The following MALRD1 variants were observed in gnomAD, a reference collection of about 807,000 sequenced individuals.
MALRD1 encodes the protein MAM and LDL receptor class A domain containing 1.
MALRD1 carries 247 observed loss-of-function variants against 242.1 expected under a neutral mutation model. The observed-to-expected ratio is 1.02, with a 90% CI of 0.92 to 1.13. MALRD1 has a LOEUF of 1.13. Ranked by LOEUF, MALRD1 falls within the 50% of genes most tolerant of loss-of-function variation. The pLI is 0.00. For missense variants in MALRD1, 2,989 were observed against 2,533.1 expected, an observed-to-expected ratio of 1.18 and a Z score of -3.86; for synonymous variants, 995 against 866.6, an observed-to-expected ratio of 1.15 and a Z score of -2.60.
At chr10:19,329,324 TGC>T (rs1302904786) in intron 23 of MALRD1, among the ~76,000 whole-genome samples, 2 of 152,158 alleles carry the variant, frequency 1.3e-5, no homozygotes, top group Non-Finnish European at 2.9e-5. Context: ...CAAAGAAGAC[TGC>T]CTCTAGCCCT....
chr10:19,723,657 G>A (rs536100011), intron 38 of MALRD1, among the ~76,000 whole-genome samples: 27 of 151,722 alleles, frequency 1.8e-4, no homozygotes, highest in Middle Eastern at 3.4e-3. Flanking sequence ...CAGGAGGATC[G>A]CTTGGGCCCA....
chr10:19,145,203 T>C (rs1257980516), intron 10 of MALRD1, among the ~76,000 whole-genome samples: 1 of 152,196 alleles, frequency 6.6e-6, no homozygotes, highest in Non-Finnish European at 1.5e-5. Context: ...TATGAAACCA[T>C]CTATTTTTCT....
intron 38 of MALRD1, among the ~76,000 whole-genome samples, chr10:19,693,648 G>A (rs1441564700): frequency 6.6e-6 from 1 of 152,110 alleles, no homozygotes; most frequent in African/African-American, 2.4e-5. Context: ...TGGCCATGCT[G>A]CCCAAGGTAA....
chr10:19,475,457 T>C (rs903695747), intron 29 of MALRD1, among the ~76,000 whole-genome samples: 4 of 152,180 alleles, frequency 2.6e-5, no homozygotes, highest in Non-Finnish European at 5.9e-5. Flanking sequence ...TTCTTTTTTG[T>C]AGCTTTGTTA....
At chr10:19,620,403 C>T (rs138000145) in intron 36 of MALRD1, among the ~76,000 whole-genome samples, 7 of 152,104 alleles carry the variant, frequency 4.6e-5, no homozygotes, top group East Asian at 1.9e-4. Flanking sequence ...CCAATTCAAA[C>T]GTCTAACCGT....
At chr10:19,673,254 G>A (rs1433902253) in intron 36 of MALRD1, among the ~76,000 whole-genome samples, 1 of 152,104 alleles carries the variant, frequency 6.6e-6, no homozygotes, top group East Asian at 1.9e-4. Context: ...GGGCATGGTG[G>A]CGGGCGCCTG....
At chr10:19,551,431 A>C (rs1835464127) in intron 32 of MALRD1, among the ~76,000 whole-genome samples, 1 of 152,082 alleles carries the variant, frequency 6.6e-6, no homozygotes, top group Non-Finnish European at 1.5e-5. Flanking sequence ...TAGGAACGCT[A>C]CTGATTTTTG....
At chr10:19,111,257 A>G (rs1836670235) in intron 5 of MALRD1, among the ~76,000 whole-genome samples, 1 of 152,224 alleles carries the variant, frequency 6.6e-6, no homozygotes, top group Admixed American at 6.5e-5. Context: ...GATTTCAGAA[A>G]GATGAATATT....
At chr10:19,602,227 G>A (rs1838387034) in intron 34 of MALRD1, among the ~76,000 whole-genome samples, 1 of 136,646 alleles carries the variant, frequency 7.3e-6, no homozygotes, top group African/African-American at 2.9e-5. Context: ...TTAAGTTCTG[G>A]GGTGCACGTG....
intron 31 of MALRD1, among the ~76,000 whole-genome samples, chr10:19,530,334 T>TTTATATAAATATATAAATTTATATA (rs1554793375): frequency 2.9e-5 from 1 of 34,616 alleles, no homozygotes; most frequent in Non-Finnish European, 1.1e-4. Context: ...TATAAATATA[T>TTTATATAAATATATAAATTTATATA]AATATTTATA....
chr10:19,230,771 A>C (rs1838017985), intron 18 of MALRD1, among the ~76,000 whole-genome samples: 1 of 152,204 alleles, frequency 6.6e-6, no homozygotes, highest in Non-Finnish European at 1.5e-5. Flanking sequence ...CGTTCTCTAA[A>C]GGTTCTTAAA....
At chr10:19,060,067 C>T (rs1320419407) in intron 1 of MALRD1, among the ~76,000 whole-genome samples, 1 of 152,160 alleles carries the variant, frequency 6.6e-6, no homozygotes, top group South Asian at 2.1e-4. Context: ...CAGAGTCTGG[C>T]ACTTTTTCTT....
chr10:19,454,433 A>ATATATATATATATATATATAT (rs1835523396), intron 29 of MALRD1, among the ~76,000 whole-genome samples: 23 of 55,422 alleles, frequency 4.1e-4, no homozygotes, highest in East Asian at 2.2e-3. Context: ...TATATATATA[A>ATATATATATATATATATATAT]TTATATGATA....
intron 14 of MALRD1, among the ~76,000 whole-genome samples, chr10:19,189,543 T>C (rs1001211319): frequency 1.4e-4 from 21 of 152,158 alleles, no homozygotes; most frequent in Non-Finnish European, 2.8e-4. Flanking sequence ...TATGATCGTT[T>C]ATGCAAAATC....
intron 32 of MALRD1, among the ~76,000 whole-genome samples, chr10:19,566,838 T>C (rs1836278616): frequency 6.6e-6 from 1 of 152,100 alleles, no homozygotes; most frequent in South Asian, 2.1e-4. Flanking sequence ...AATTATAGAA[T>C]GTTTTAAACA....
At chr10:19,448,646 G>A (rs1835137880) in intron 28 of MALRD1, among the ~76,000 whole-genome samples, 1 of 151,644 alleles carries the variant, frequency 6.6e-6, no homozygotes, top group African/African-American at 2.4e-5. Flanking sequence ...CCTTGTACTG[G>A]GACTGTTCAT....
rs75964677 is a variant in MALRD1 at position 19,531,196 on chromosome 10, A to G, written c.5323A>G (p.Ser1775Gly). ...LIPDSDHTPG[S>G]GQHFLYVNSS... ...AAATTTTGTTAATCTATTTCAAGGT[A>G]GTGGTCAGCACTTCCTGTACGTCAA... Residue 1775 changes from serine to glycine, a missense_variant and splice_region_variant, in exon 32 of 40, where the codon AGT (serine) becomes GGT (glycine). Coordinates refer to ENST00000454679, the MANE Select transcript of MALRD1 (RefSeq NM_001142308.3). The G allele has an allele frequency of 2.7e-3, 4,221 of 1,544,776 alleles. 99 individuals are homozygous for G. The African/African-American group carries it at 0.052, about 19-fold the overall frequency.
intron 10 of MALRD1, among the ~76,000 whole-genome samples, chr10:19,145,839 CCAGTGGATTTTTTT>C (rs1833709557): frequency 6.6e-6 from 1 of 151,894 alleles, no homozygotes; most frequent in South Asian, 2.1e-4. Flanking sequence ...TTCCCCCTTC[CCAGTGGATTTTTTT>C]CATTTAAACT....
At chr10:19,177,202 C>T (rs1342357890) in intron 14 of MALRD1, among the ~76,000 whole-genome samples, 1 of 150,960 alleles carries the variant, frequency 6.6e-6, no homozygotes, top group Non-Finnish European at 1.5e-5. Context: ...ATGGCGTGAA[C>T]CGAAGAGGCG....
Sources: allele counts gnomAD v4.1 joint callset (sites outside exome capture counted in the v4.1 genomes callset), GRCh38; gene constraint gnomAD v4.1.1; transcripts MANE v1.5; gene names NCBI Gene and HGNC (gene_info 2026-07-23, HGNC 2026-07-21).